Variants in KATNAL1 observed in about 807,000 individuals in gnomAD.
KATNAL1 encodes katanin catalytic subunit A1 like 1.
KATNAL1 carries 32 observed loss-of-function variants against 55.2 expected under a neutral mutation model. That is an observed-to-expected ratio of 0.58 (90% CI 0.44 to 0.78). The LOEUF (loss-of-function observed/expected upper bound fraction) is 0.78, where lower values mean the gene tolerates loss of function less well. Among genes scored for constraint, KATNAL1 ranks in the 30% least tolerant of loss-of-function variants. KATNAL1 has a pLI of 0.00. For missense variants in KATNAL1, 466 were observed against 600.9 expected (o/e 0.78, Z 2.35); for synonymous variants, 193 against 193.6 (o/e 1.00, Z 0.02).
At chr13:30,223,930 G>A (rs1435537490) in intron 9 of KATNAL1, among the ~76,000 whole-genome samples, 2 of 152,144 alleles carry the variant, frequency 1.3e-5, no homozygotes, top group African/African-American at 4.8e-5. Flanking sequence ...TGCATCTGGA[G>A]CATTCACCAA....
intron 9 of KATNAL1, among the ~76,000 whole-genome samples, chr13:30,227,098 T>TACACAC (rs769417181): frequency 1.5e-5 from 1 of 68,956 alleles, no homozygotes; most frequent in African/African-American, 5.6e-5. Flanking sequence ...TAAATATGTG[T>TACACAC]ACACACACAC....
intron 9 of KATNAL1, among the ~76,000 whole-genome samples, chr13:30,223,052 G>A (rs186347450): frequency 3.9e-5 from 6 of 151,926 alleles, no homozygotes; most frequent in Non-Finnish European, 8.8e-5. Context: ...CCCAGATCGC[G>A]CCACTGCACT....
At chr13:30,253,918 C>T (rs1223583502) in intron 4 of KATNAL1, among the ~76,000 whole-genome samples, 1 of 152,140 alleles carries the variant, frequency 6.6e-6, no homozygotes, top group Non-Finnish European at 1.5e-5. Context: ...CTGTGAGACG[C>T]TGGCAAGTTT....
intron 1 of KATNAL1, among the ~76,000 whole-genome samples, chr13:30,288,095 A>G (rs1461443703): frequency 2.0e-5 from 3 of 152,214 alleles, no homozygotes; most frequent in African/African-American, 7.2e-5. Flanking sequence ...AGTATTCCCT[A>G]TCATCAAAAT....
chr13:30,283,841 A>C, intron 1 of KATNAL1, 50 bp from the exon 2 acceptor site: 1 of 1,269,054 alleles, frequency 7.9e-7, no homozygotes, highest in South Asian at 1.5e-5. Flanking sequence ...ACTGACTTTA[A>C]AACATTTATT....
At chr13:30,231,517 A>T (rs771290077) in intron 6 of KATNAL1, 45 bp from the exon 7 acceptor site, 90 of 1,322,100 alleles carry the variant, frequency 6.8e-5, no homozygotes, top group Non-Finnish European at 7.6e-5. Flanking sequence ...AGATTAAAAA[A>T]TTTTTTTATA....
At chr13:30,301,697 C>T (rs146897981) in intron 1 of KATNAL1, among the ~76,000 whole-genome samples, 2 of 152,034 alleles carry the variant, frequency 1.3e-5, no homozygotes, top group African/African-American at 2.4e-5. Flanking sequence ...TTTAAAGTTA[C>T]GCAGCTAATC....
chr13:30,280,168 A>G lies in KATNAL1; in HGVS notation c.218T>C (p.Leu73Ser), dbSNP rs148323394. 1.2e-6 allele frequency: 2 copies of G among 1,613,454 alleles called. No individual in the cohort carries two copies. Among genetic ancestry groups the G allele is most frequent in the East Asian group, 2.2e-5 (1 of 44,828 alleles). ...YEQVKSIVST[L>S]ESFKIDKPPD... ...AGGCTTGTCAATTTTAAAACTTTCT[A>G]AAGTGCTGACAATACTTTTAACTTG... Residue 73 changes from leucine to serine, a missense_variant, in exon 3 of 11, where the codon TTA becomes TCA. Leu to Ser is a moderately radical substitution (Grantham distance 145). Around this residue, in one of 3 missense-constraint regions of KATNAL1, gnomAD observed 248 missense variants for 275.5 expected, o/e 0.90. Transcript: ENST00000380615.
chr13:30,255,659 T>G, intron 3 of KATNAL1, 44 bp from the exon 4 acceptor site: 1 of 1,338,246 alleles, frequency 7.5e-7, no homozygotes, highest in South Asian at 2.2e-5. Context: ...AAATTAAAAT[T>G]AATCAAAGGC....
At chr13:30,255,337 TA>T in intron 4 of KATNAL1, 109 bp downstream of exon 4, 1 of 879,582 alleles carries the variant, frequency 1.1e-6, no homozygotes, top group Non-Finnish European at 1.6e-6. Flanking sequence ...GACTTTTTTC[TA>T]ACTCTTCCAC....
At chr13:30,240,678 A>T in intron 5 of KATNAL1, 113 bp from the exon 6 acceptor site, 1 of 744,796 alleles carries the variant, frequency 1.3e-6, no homozygotes, top group Non-Finnish European at 2.2e-6. Flanking sequence ...TAGTAAGAAC[A>T]TTATTCTAAT....
chr13:30,274,903 GCGCGCACACACACACACA>G (rs1474579474), intron 3 of KATNAL1, among the ~76,000 whole-genome samples: 21 of 93,700 alleles, frequency 2.2e-4, no homozygotes, highest in Non-Finnish European at 4.8e-4. Flanking sequence ...GCGCGCGCGC[GCGCGCACACACACACACA>G]CACACACACA....
At chr13:30,231,822 A>G (rs1290655145) in intron 6 of KATNAL1, among the ~76,000 whole-genome samples, 1 of 152,192 alleles carries the variant, frequency 6.6e-6, no homozygotes, top group Non-Finnish European at 1.5e-5. Flanking sequence ...GTTTACACAT[A>G]ATAAAAATAA....
chr13:30,246,857 T>C (rs1322984331), intron 4 of KATNAL1, among the ~76,000 whole-genome samples: 1 of 152,092 alleles, frequency 6.6e-6, no homozygotes, highest in Non-Finnish European at 1.5e-5. Context: ...TCTCACACAA[T>C]TAGAATGGCA....
At chr13:30,246,907 CAT>C (rs1340463584) in intron 4 of KATNAL1, among the ~76,000 whole-genome samples, 5 of 152,030 alleles carry the variant, frequency 3.3e-5, no homozygotes, top group African/African-American at 1.2e-4. Context: ...AATTCTATTT[CAT>C]ATCTGTGTTA....
chr13:30,214,885 A>C (rs1874059268), intron 9 of KATNAL1, among the ~76,000 whole-genome samples: 1 of 151,574 alleles, frequency 6.6e-6, no homozygotes, highest in Non-Finnish European at 1.5e-5. Context: ...CGTCTAAAAC[A>C]CCAAAAGCAA....
At position 30,222,753 on chromosome 13, in the gene KATNAL1, A is replaced by G. The variant is rs369473022; in HGVS notation, c.1147+4659T>C. Among the ~76,000 whole-genome samples the G allele has an allele frequency of 6.6e-5, 10 of 152,360 alleles. No homozygotes were observed. In the East Asian group the frequency reaches 1.3e-3, roughly 21 times the overall value. On this transcript the variant is annotated intron_variant, in intron 9 of 10. Coordinates refer to ENST00000380615, the MANE Select transcript of KATNAL1 (RefSeq NM_032116.5). ...CAAGATGGCAGACTTAAACACAGTC[A>G]TATCACCAATTACATTAAATTTAAA...
chr13:30,298,646 G>T (rs1452717131), intron 1 of KATNAL1, among the ~76,000 whole-genome samples: 4 of 152,044 alleles, frequency 2.6e-5, no homozygotes, highest in Admixed American at 6.5e-5. Flanking sequence ...AAGCTTATTT[G>T]AAAAATAATC....
chr13:30,305,331 G>A (rs1045633681), intron 1 of KATNAL1, among the ~76,000 whole-genome samples: 1 of 152,190 alleles, frequency 6.6e-6, no homozygotes, highest in African/African-American at 2.4e-5. Flanking sequence ...TCTATCCTTT[G>A]CTTATTTTGT....
Sources: gnomAD v4.1 joint callset for allele counts (sites outside exome capture counted in the v4.1 genomes callset) on GRCh38, gnomAD v4.1.1 for gene constraint, gnomAD v4.1.1 regional missense constraint, MANE v1.5 for transcripts, NCBI Gene and HGNC (gene_info 2026-07-23, HGNC 2026-07-21) for gene names.